ELAVL2: variants seen among roughly 807,000 people sequenced by gnomAD.
The protein encoded by ELAVL2 is ELAV like RNA binding protein 2, also known as ELAV-like protein 2.
A neutral mutation model predicts 34.6 loss-of-function variants in ELAVL2; 4 were observed. That is an observed-to-expected ratio of 0.12 (90% CI 0.06 to 0.26). The LOEUF (loss-of-function observed/expected upper bound fraction) is 0.26, where lower values mean the gene tolerates loss of function less well. ELAVL2 is among the 10% of genes least tolerant of loss of function. The probability of loss-of-function intolerance (pLI) is 1.00; values close to 1 mark genes in which losing one functional copy is unlikely to be tolerated. For synonymous variants in ELAVL2, 193 were observed against 154.8 expected (o/e 1.25, Z -1.83); for missense variants, 432 against 442.8 (o/e 0.98, Z 0.22).
chr9:23,808,762 T>G lies in ELAVL2; in HGVS notation c.-16+17044A>C, dbSNP rs183739132. Among the ~76,000 whole-genome samples, 129 of 152,190 alleles carry G rather than the reference T, an allele frequency of 8.5e-4. 1 individual carries two copies. Among genetic ancestry groups the G allele is most frequent in the African/African-American group, 2.9e-3 (122 of 41,524 alleles). On this transcript the variant is annotated intron_variant, in intron 1 of 6. Transcript: ENST00000397312. ...GATAACAGAGAATAATCACAGGGAA[T>G]GAGAGAGAGAAAGAAATGTTAGCCA...
At chr9:23,712,256 C>T (rs1405135061) in intron 3 of ELAVL2, among the ~76,000 whole-genome samples, 5 of 149,022 alleles carry the variant, frequency 3.4e-5, no homozygotes, top group Admixed American at 3.3e-4. Context: ...CTCTTCATCA[C>T]GGGATTTTCC....
chr9:23,769,693 G>A (rs929425416), intron 1 of ELAVL2, among the ~76,000 whole-genome samples: 2 of 152,150 alleles, frequency 1.3e-5, no homozygotes, highest in African/African-American at 2.4e-5. Context: ...CACATTTTCA[G>A]CCTTGGGGCT....
chr9:23,701,862 C>T (rs2037364406), intron 4 of ELAVL2, among the ~76,000 whole-genome samples: 1 of 152,106 alleles, frequency 6.6e-6, no homozygotes, highest in Admixed American at 6.6e-5. Context: ...TTCCAATCAG[C>T]TAAGACAAGA....
At chr9:23,779,311 GCAGA>G (rs2058713690) in intron 1 of ELAVL2, 7 of 985,404 alleles carry the variant, frequency 7.1e-6, no homozygotes, top group Non-Finnish European at 7.2e-6. Flanking sequence ...GGCAAAGTGG[GCAGA>G]CAGAGGAACA....
At chr9:23,794,355 G>A (rs2060662051) in intron 1 of ELAVL2, among the ~76,000 whole-genome samples, 2 of 152,088 alleles carry the variant, frequency 1.3e-5, no homozygotes, top group African/African-American at 4.8e-5. Flanking sequence ...CCTAAAGAGG[G>A]GAAAAGAACC....
In ELAVL2 at chr9:23,692,790, G is replaced by A; in HGVS notation, c.847C>T (p.Leu283=). The A allele has an allele frequency of 1.2e-6, 2 of 1,614,190 alleles. No homozygotes were observed. Among genetic ancestry groups the A allele is most frequent in the South Asian group, 1.1e-5 (1 of 91,078 alleles). ...ATACTCTCATCTGCGTCAGGAGCCAGGTTGTACACAAATATACACCACCCT... is the reference window on the plus strand; with the variant it reads ...ATACTCTCATCTGCGTCAGGAGCCAAGTTGTACACAAATATACACCACCCT... The part of the protein sequence containing the change: ...GTGWCIFVYN[L]APDADESILW... The change falls in exon 7 of 7, where the codon CTG becomes TTG. Residue 283 remains leucine, a synonymous_variant. Transcript: ENST00000397312.
chr9:23,783,397 G>A, intron 1 of ELAVL2: 1 of 974,370 alleles, frequency 1.0e-6, no homozygotes, highest in Non-Finnish European at 1.2e-6. Context: ...TTAAACTGAA[G>A]AAAAACATGT....
At chr9:23,785,609 CCTCA>C (rs1024106228) in intron 1 of ELAVL2, among the ~76,000 whole-genome samples, 2 of 152,188 alleles carry the variant, frequency 1.3e-5, no homozygotes, top group African/African-American at 4.8e-5. Flanking sequence ...ATAGCTCAAT[CCTCA>C]CTGTCTCACG....
chr9:23,839,400 C>G, the ELAVL2 span, among the ~76,000 whole-genome samples: 5 of 152,070 alleles, frequency 3.3e-5, no homozygotes, highest in Non-Finnish European at 7.4e-5. Flanking sequence ...ATGACTGCGG[C>G]AATCAATTTT....
chr9:23,700,067 G>A (rs2036656613), intron 5 of ELAVL2, among the ~76,000 whole-genome samples: 1 of 151,618 alleles, frequency 6.6e-6, no homozygotes. Flanking sequence ...CTTCAGCACT[G>A]CAAATATTCC....
intron 1 of ELAVL2, among the ~76,000 whole-genome samples, chr9:23,795,334 A>C (rs923023154): frequency 5.3e-5 from 8 of 152,160 alleles, no homozygotes; most frequent in African/African-American, 1.9e-4. Context: ...ACCTGAGGTC[A>C]GGAGTTCGAG....
At chr9:23,774,235 A>AAAG (rs1554731604) in intron 1 of ELAVL2, among the ~76,000 whole-genome samples, 40 of 132,308 alleles carry the variant, frequency 3.0e-4, no homozygotes, top group Non-Finnish European at 4.5e-4. Flanking sequence ...AAAAAAAAAA[A>AAAG]AAAGAAAGAA....
intron 1 of ELAVL2, among the ~76,000 whole-genome samples, chr9:23,806,554 TA>T (rs756006288): frequency 1.3e-5 from 2 of 151,896 alleles, no homozygotes; most frequent in East Asian, 1.9e-4. Flanking sequence ...GGAGGATCCC[TA>T]AAAGCCCAGG....
chr9:23,761,825 TAG>T (rs1402842729), intron 2 of ELAVL2, among the ~76,000 whole-genome samples, 179 bp downstream of exon 2: 3 of 152,136 alleles, frequency 2.0e-5, no homozygotes, highest in African/African-American at 7.2e-5. Flanking sequence ...GCCCCCAAAA[TAG>T]TTTATGATTT....
the ELAVL2 span, among the ~76,000 whole-genome samples, chr9:23,841,152 G>A: frequency 6.6e-6 from 1 of 152,090 alleles, no homozygotes; most frequent in African/African-American, 2.4e-5. Flanking sequence ...TGGGGTATTA[G>A]CAATGTCAGT....
chr9:23,843,228 A>G, the ELAVL2 span, among the ~76,000 whole-genome samples: 1 of 152,156 alleles, frequency 6.6e-6, no homozygotes, highest in Non-Finnish European at 1.5e-5. Context: ...AGTATTTTAC[A>G]TACTTCCTTC....
chr9:23,843,946 G>C, the ELAVL2 span, among the ~76,000 whole-genome samples: 1 of 151,888 alleles, frequency 6.6e-6, no homozygotes, highest in Non-Finnish European at 1.5e-5. Flanking sequence ...GAACAACTCA[G>C]CATCCTACAC....
intron 2 of ELAVL2, among the ~76,000 whole-genome samples, chr9:23,761,656 T>C (rs1221523507): frequency 2.6e-5 from 4 of 151,982 alleles, no homozygotes; most frequent in African/African-American, 9.7e-5. Context: ...CAAACACATA[T>C]TGTATCTCAC....
chr9:23,755,193 C>A (rs536489191), intron 2 of ELAVL2, among the ~76,000 whole-genome samples: 2 of 152,074 alleles, frequency 1.3e-5, no homozygotes, highest in Non-Finnish European at 2.9e-5. Flanking sequence ...ATTTCCAAGT[C>A]CCCAGGTACT....
Sources: allele counts gnomAD v4.1 joint callset (sites outside exome capture counted in the v4.1 genomes callset), GRCh38; gene constraint gnomAD v4.1.1; transcripts MANE v1.5; gene names NCBI Gene and HGNC (gene_info 2026-07-23, HGNC 2026-07-21).